Variants in GPRC6A observed in about 807,000 individuals in gnomAD.
GPRC6A encodes G protein-coupled receptor class C group 6 member A.
GPRC6A carries 54 observed loss-of-function variants against 47.0 expected under a neutral mutation model. The ratio of observed to expected loss-of-function variants is 1.15; its 90% confidence interval spans 0.92 to 1.44. The LOEUF (loss-of-function observed/expected upper bound fraction) is 1.44. GPRC6A is among the 40% of genes most tolerant of loss of function. The pLI is 0.00. For synonymous variants in GPRC6A, 347 were observed against 377.1 expected (o/e 0.92, Z 0.93); for missense variants, 1,112 against 1,105.5 (o/e 1.01, Z -0.08).
chr6:116,806,314 G>T, intron 3 of GPRC6A, 56 bp downstream of exon 3: 1 of 1,094,678 alleles, frequency 9.1e-7, no homozygotes, highest in Non-Finnish European at 1.4e-6. Context: ...TAAAACAAGG[G>T]AGGAAATGGG....
chr6:116,796,647 T>C (rs974347118), intron 4 of GPRC6A, among the ~76,000 whole-genome samples: 78 of 152,284 alleles, frequency 5.1e-4, no homozygotes, highest in African/African-American at 1.9e-3. Flanking sequence ...GGAACACAAC[T>C]GAAGTACTAA....
At chr6:116,817,509 C>T (rs1339217802) in intron 1 of GPRC6A, among the ~76,000 whole-genome samples, 1 of 152,218 alleles carries the variant, frequency 6.6e-6, no homozygotes, top group East Asian at 1.9e-4. Flanking sequence ...CGCAGTTCCT[C>T]ACCAGCAACA....
intron 1 of GPRC6A, among the ~76,000 whole-genome samples, chr6:116,821,836 C>A (rs1020365016): frequency 2.6e-5 from 4 of 151,074 alleles, no homozygotes; most frequent in African/African-American, 9.8e-5. Flanking sequence ...AAAGCAATGG[C>A]AACAAAAGCC....
intron 4 of GPRC6A, among the ~76,000 whole-genome samples, chr6:116,796,936 G>A (rs900403762): frequency 2.6e-5 from 4 of 152,216 alleles, no homozygotes; most frequent in Non-Finnish European, 5.9e-5. Flanking sequence ...ACGATGTGCA[G>A]GTTAGTTACA....
At position 116,792,365 on chromosome 6, in the gene GPRC6A, A is replaced by G; in HGVS notation, c.2558T>C (p.Ile853Thr). Residue 853 changes from isoleucine (I) to threonine (T), a missense_variant, in exon 6 of 6, where the codon ATC becomes ACC. Physicochemically the swap from Ile to Thr is moderately conservative, Grantham distance 89. Transcript: ENST00000310357. ...CACACTATGGGAAGAATAACTGTAGATCATCTTGAGAAAGGCAGACTTTGT... is the reference window on the plus strand; with the variant it reads ...CACACTATGGGAAGAATAACTGTAGGTCATCTTGAGAAAGGCAGACTTTGT... Reference protein sequence around the residue: ...INTKSAFLKMIYSYSSHSVSS... With the variant: ...INTKSAFLKMTYSYSSHSVSS... The G allele has an allele frequency of 6.2e-7, 1 of 1,614,044 alleles. No homozygotes were observed. Among genetic ancestry groups the G allele is most frequent in the Non-Finnish European group, 8.5e-7 (1 of 1,179,936 alleles).
At chr6:116,800,821 A>C in intron 3 of GPRC6A, 25 bp from the exon 4 acceptor site, 2 of 1,399,418 alleles carry the variant, frequency 1.4e-6, no homozygotes, top group Non-Finnish European at 2.0e-6. Flanking sequence ...AACAGAGATA[A>C]GCACTTAATA....
At chr6:116,827,058 G>T (rs1459405275) in intron 1 of GPRC6A, among the ~76,000 whole-genome samples, 1 of 151,780 alleles carries the variant, frequency 6.6e-6, no homozygotes, top group African/African-American at 2.4e-5. Context: ...GAAGGTGGGT[G>T]GGTAGGAGAG....
chr6:116,824,127 A>G (rs1368760575), intron 1 of GPRC6A, among the ~76,000 whole-genome samples: 2 of 152,140 alleles, frequency 1.3e-5, no homozygotes, highest in East Asian at 3.9e-4. Flanking sequence ...GTATATAGCA[A>G]TGAACATCTA....
rs1319467706 is a variant in GPRC6A at position 116,807,291 on chromosome 6, G to A, written c.499-85C>T. On this transcript the variant is annotated intron_variant, in intron 2 of 5. Transcript: ENST00000310357. ...GTAGGTGTTCCTTTCTTTGATTGCT[G>A]TAAATTTTCATGACTTTCCTTAAAT... 4 of 774,918 alleles carry A rather than the reference G, an allele frequency of 5.2e-6. No individual in the cohort carries two copies. In the Admixed American group the frequency reaches 7.1e-5, roughly 14 times the overall value. The allele number at this position is 774,918 out of a possible 1,614,324, so 48.0% of individuals were successfully genotyped here.
chr6:116,793,768 T>C (rs912633822), intron 5 of GPRC6A, among the ~76,000 whole-genome samples: 2 of 152,176 alleles, frequency 1.3e-5, no homozygotes, highest in African/African-American at 4.8e-5. Flanking sequence ...TGTAAAATGC[T>C]TCACACAGAC....
intron 4 of GPRC6A, among the ~76,000 whole-genome samples, chr6:116,797,273 C>T (rs7761872): frequency 0.29 from 43,590 of 151,838 alleles, 6,891 homozygotes; most frequent in East Asian, 0.53. Flanking sequence ...TTTCTTAATC[C>T]AGTCTATCAT....
intron 1 of GPRC6A, among the ~76,000 whole-genome samples, chr6:116,818,347 A>G (rs1264207663): frequency 6.7e-6 from 1 of 150,354 alleles, no homozygotes; most frequent in East Asian, 2.0e-4. Context: ...ATCCCGGCTA[A>G]CACGGTGAAA....
chr6:116,793,112 C>A lies in GPRC6A; in HGVS notation c.1811G>T (p.Gly604Val), dbSNP rs201416610. 1 of 1,613,916 alleles carries A rather than the reference C, an allele frequency of 6.2e-7. No homozygotes were observed. The highest frequency in any genetic ancestry group is 2.2e-5 in the East Asian group (1 of 44,862). ...AILLLILSLL[G>V]IIFVLVVGII... ...GCCAACAACCAGAACAAATATGATT[C>A]CCAGTAGGGAGAGAATCAGGAGTAG... The change falls in exon 6 of 6, where the codon GGA (glycine) becomes GTA (valine). Residue 604 changes from glycine (G) to valine (V), a missense_variant. Coordinates refer to ENST00000310357, the MANE Select transcript of GPRC6A (RefSeq NM_148963.4).
intron 1 of GPRC6A, among the ~76,000 whole-genome samples, chr6:116,827,562 A>T (rs1773714386): frequency 6.6e-6 from 1 of 151,868 alleles, no homozygotes; most frequent in African/African-American, 2.4e-5. Flanking sequence ...TCTCTTGATG[A>T]GTGACAAAAA....
intron 1 of GPRC6A, among the ~76,000 whole-genome samples, chr6:116,813,639 TA>T (rs975369885): frequency 1.3e-5 from 2 of 152,134 alleles, no homozygotes; most frequent in African/African-American, 4.8e-5. Flanking sequence ...ATGTTATACC[TA>T]AAACCATAAA....
intron 2 of GPRC6A, among the ~76,000 whole-genome samples, chr6:116,808,192 C>G (rs1482403798): frequency 2.0e-5 from 3 of 152,094 alleles, no homozygotes; most frequent in African/African-American, 7.2e-5. Context: ...ACATGGTGGA[C>G]TTTCAGTAAA....
intron 1 of GPRC6A, among the ~76,000 whole-genome samples, chr6:116,823,559 T>C (rs903456502): frequency 5.3e-5 from 8 of 152,144 alleles, no homozygotes; most frequent in Non-Finnish European, 1.2e-4. Context: ...TCCAAACTGT[T>C]GCAACCACTG....
chr6:116,803,898 C>T (rs1397269438), intron 3 of GPRC6A, among the ~76,000 whole-genome samples: 1 of 151,984 alleles, frequency 6.6e-6, no homozygotes. Context: ...CTGTAGTGTA[C>T]CATCCTTCAT....
rs1017565600 is a variant in GPRC6A at position 116,817,715 on chromosome 6, C to A, written c.195-8098G>T. Among the ~76,000 whole-genome samples, 2 of 151,888 alleles carry A rather than the reference C, an allele frequency of 1.3e-5. 1 individual carries two copies. Among genetic ancestry groups the A allele is most frequent in the African/African-American group, 4.8e-5 (2 of 41,326 alleles). ...GCTGATGGAGCTGAAAGCCAAGGCT[C>A]GAGAACTACGTGAAGAATGCAGAAG... On this transcript the variant is annotated intron_variant, in intron 1 of 5. Transcript: ENST00000310357.
Sources: allele counts gnomAD v4.1 joint callset (sites outside exome capture counted in the v4.1 genomes callset), GRCh38; gene constraint gnomAD v4.1.1; transcripts MANE v1.5; gene names NCBI Gene and HGNC (gene_info 2026-07-23, HGNC 2026-07-21).